Variants in ARHGAP35 observed in about 807,000 individuals in gnomAD.
ARHGAP35 encodes the protein rho GTPase-activating protein 35.
In ARHGAP35, 15 loss-of-function variants were observed where a neutral mutation model predicts 111.1. That is an observed-to-expected ratio of 0.13 (90% CI 0.09 to 0.21). ARHGAP35 has a LOEUF of 0.21. ARHGAP35 is among the 10% of genes least tolerant of loss of function. ARHGAP35 has a pLI of 1.00. For missense variants in ARHGAP35, 1,262 were observed against 1,873.0 expected, an observed-to-expected ratio of 0.67 and a Z score of 6.02; for synonymous variants, 643 against 710.3, an observed-to-expected ratio of 0.91 and a Z score of 1.51.
At chr19:46,879,423 C>G (rs1349955650) in intron 1 of ARHGAP35, among the ~76,000 whole-genome samples, 1 of 149,376 alleles carries the variant, frequency 6.7e-6, no homozygotes, top group Non-Finnish European at 1.5e-5. Flanking sequence ...CCCGTCTCTA[C>G]TAAAAATACA....
At chr19:46,869,009 G>A (rs777230411) in intron 1 of ARHGAP35, among the ~76,000 whole-genome samples, 2 of 143,988 alleles carry the variant, frequency 1.4e-5, no homozygotes, top group African/African-American at 2.6e-5. Context: ...AGGTTCAAGC[G>A]ATTCTCCTGC....
intron 1 of ARHGAP35, among the ~76,000 whole-genome samples, chr19:46,887,241 A>G (rs1437255166): frequency 2.0e-5 from 3 of 152,214 alleles, no homozygotes; most frequent in Non-Finnish European, 2.9e-5. Context: ...GATGAAAATG[A>G]TAAAACCGTG....
intron 1 of ARHGAP35, among the ~76,000 whole-genome samples, chr19:46,914,245 C>G (rs994281166): frequency 3.3e-5 from 5 of 152,134 alleles, no homozygotes; most frequent in African/African-American, 1.2e-4. Context: ...AAATTAACCA[C>G]TTCCATGCCA....
intron 1 of ARHGAP35, among the ~76,000 whole-genome samples, chr19:46,894,508 C>T (rs1428869237): frequency 3.4e-5 from 5 of 147,690 alleles, no homozygotes; most frequent in South Asian, 2.1e-4. Flanking sequence ...TGCAGTGGCA[C>T]GATCTCTGCT....
At chr19:46,886,929 G>T (rs761803166) in intron 1 of ARHGAP35, among the ~76,000 whole-genome samples, 33 of 152,092 alleles carry the variant, frequency 2.2e-4, no homozygotes, top group Admixed American at 5.2e-4. Flanking sequence ...AAGAGAGAGA[G>T]ATTAAAAAGG....
At chr19:46,870,793 A>G (rs2055883562) in intron 1 of ARHGAP35, among the ~76,000 whole-genome samples, 1 of 152,164 alleles carries the variant, frequency 6.6e-6, no homozygotes, top group South Asian at 2.1e-4. Flanking sequence ...TGTTATGTAT[A>G]TACAAGGTGT....
Position 46,920,343 on chromosome 19 carries a change from G to A in ARHGAP35, c.1668G>A (p.Lys556=), listed in dbSNP as rs1401010073. The A allele has an allele frequency of 7.4e-6, 12 of 1,613,818 alleles. No homozygotes were observed. The highest frequency in any genetic ancestry group is 1.0e-5 in the Non-Finnish European group (12 of 1,179,890). The change falls in exon 2 of 7, where the codon AAG becomes AAA. Residue 556 remains lysine (K), a synonymous_variant. Transcript: ENST00000672722. This position sits in a 1 kb window ranked among gnomAD's most constrained non-coding sequence, Gnocchi z 7.0. ...TTCATTTTGTGTACCACCCAACAAAGGAGACATGCCCCAGCTGCCCAGCTT... is the reference window on the plus strand; with the variant it reads ...TTCATTTTGTGTACCACCCAACAAAAGAGACATGCCCCAGCTGCCCAGCTT... ...KHIHFVYHPT[K]ETCPSCPACV... is the part of the protein sequence containing the mutation.
intron 1 of ARHGAP35, among the ~76,000 whole-genome samples, chr19:46,869,669 AAG>A (rs1347657225): frequency 2.6e-5 from 4 of 152,206 alleles, no homozygotes; most frequent in Non-Finnish European, 4.4e-5. Context: ...GGCAATTAAA[AAG>A]AGTTCTTTGT....
In ARHGAP35 at chr19:46,993,628, A is replaced by G. The variant is rs2056691188; in HGVS notation, c.4036+3953A>G. On this transcript the variant is annotated intron_variant, in intron 5 of 6. Transcript: ENST00000672722. The surrounding 1 kb of genome is among the most constrained non-coding windows in gnomAD (Gnocchi z 4.6). ...GAGTTCTTGGGGTCTCTATTGTACT[A>G]AATTGCTGGATCTGTGTCCAGGCTG... Among the ~76,000 whole-genome samples, 1 of 152,036 alleles carries G rather than the reference A, an allele frequency of 6.6e-6. No homozygotes were observed. Among genetic ancestry groups the G allele is most frequent in the Admixed American group, 6.5e-5 (1 of 15,272 alleles).
intron 1 of ARHGAP35, among the ~76,000 whole-genome samples, chr19:46,900,458 T>C (rs980097185): frequency 2.0e-5 from 3 of 152,212 alleles, no homozygotes; most frequent in African/African-American, 7.2e-5. Context: ...TGGCCTCAAG[T>C]GATCCGCCCA....
chr19:46,996,634 CT>C (rs2056710129), intron 5 of ARHGAP35, among the ~76,000 whole-genome samples: 1 of 152,150 alleles, frequency 6.6e-6, no homozygotes, highest in South Asian at 2.1e-4. Flanking sequence ...ACAAACACAG[CT>C]GTGTTTGGGT....
At position 46,976,766 on chromosome 19, in the gene ARHGAP35, G is replaced by A. The variant is rs1247720254; in HGVS notation, c.3827-11223G>A. ...CAAGGAGCAGTACCCACTCTCGGCT[G>A]CAGGACCTTCTCGGGCCCTTGGTGG... On this transcript the variant is annotated intron_variant, in intron 3 of 6. Coordinates refer to ENST00000672722, the MANE Select transcript of ARHGAP35 (RefSeq NM_004491.5). Among the ~76,000 whole-genome samples, 9 of 152,340 alleles carry A rather than the reference G, an allele frequency of 5.9e-5. 1 individual carries two copies. In the South Asian group the frequency reaches 1.7e-3, roughly 28 times the overall value.
intron 1 of ARHGAP35, among the ~76,000 whole-genome samples, chr19:46,863,584 T>C (rs1052293141): frequency 6.6e-6 from 1 of 152,102 alleles, no homozygotes; most frequent in African/African-American, 2.4e-5. Context: ...CTCTGAGCCA[T>C]TGCATAGAGT....
At position 47,002,135 on chromosome 19, in the gene ARHGAP35, T is replaced by G. The variant is rs1387493771; in HGVS notation, c.*1447T>G. ...CCTCTGCGGCCAGGAAGCCTGACAC[T>G]AGGCACCCCCCAGGCGAGAGCTAGT... is the stretch of plus-strand genomic sequence containing the variant. On this transcript the variant is annotated 3_prime_UTR_variant, in exon 7 of 7. Coordinates refer to ENST00000672722, the MANE Select transcript of ARHGAP35 (RefSeq NM_004491.5). The G allele has an allele frequency of 6.5e-6, 1 of 152,780 alleles. No homozygotes were observed. Among genetic ancestry groups the G allele is most frequent in the Non-Finnish European group, 1.5e-5 (1 of 68,152 alleles). The allele number at this position is 152,780 out of a possible 1,614,324, so 9.5% of individuals were successfully genotyped here.
chr19:46,913,256 G>A (rs1048203290), intron 1 of ARHGAP35, among the ~76,000 whole-genome samples: 2 of 150,334 alleles, frequency 1.3e-5, no homozygotes, highest in African/African-American at 2.5e-5. Context: ...TGAGGTTGCT[G>A]TGTTGGAAGA....
In ARHGAP35 at chr19:46,954,986, G is replaced by A. The variant is rs889950037; in HGVS notation, c.3826+17578G>A. ...GAGCACTTACTTCTCCGTAACCCAT[G>A]AAGCCAGTGAAGGACCCTGAATCTG... On this transcript the variant is annotated intron_variant, in intron 3 of 6. Transcript: ENST00000672722. 2.6e-5 allele frequency among the ~76,000 whole-genome samples: 4 copies of A among 152,220 alleles called. No homozygotes were observed. In the East Asian group the frequency reaches 5.8e-4, roughly 22 times the overall value.
At chr19:46,862,353 T>C (rs1239608126) in intron 1 of ARHGAP35, among the ~76,000 whole-genome samples, 1 of 152,180 alleles carries the variant, frequency 6.6e-6, no homozygotes, top group Non-Finnish European at 1.5e-5. Context: ...TCTGAGCTAC[T>C]GCATTCATTT....
Position 46,994,292 on chromosome 19 carries a change from G to A in ARHGAP35, c.4036+4617G>A, listed in dbSNP as rs910927852. On this transcript the variant is annotated intron_variant, in intron 5 of 6. Coordinates refer to ENST00000672722, the MANE Select transcript of ARHGAP35 (RefSeq NM_004491.5). The surrounding 1 kb of genome is among the most constrained non-coding windows in gnomAD (Gnocchi z 5.4). The stretch of plus-strand genomic sequence containing the variant: ...GGCGGGCTACCTATTGAAGCTGGGG[G>A]TCCCTGTACAGCAGGGCTCCACTGA... Among the ~76,000 whole-genome samples, 5 of 152,186 alleles carry A rather than the reference G, an allele frequency of 3.3e-5. No individual in the cohort carries two copies. Among genetic ancestry groups the A allele is most frequent in the African/African-American group, 1.2e-4 (5 of 41,446 alleles).
intron 3 of ARHGAP35, among the ~76,000 whole-genome samples, chr19:46,957,008 G>A (rs2056443103): frequency 7.1e-6 from 1 of 140,882 alleles, no homozygotes; most frequent in Admixed American, 7.4e-5. Context: ...CGCCCAGGGT[G>A]GAGCACAGTG....
Sources: allele counts gnomAD v4.1 joint callset (sites outside exome capture counted in the v4.1 genomes callset), GRCh38; gene constraint gnomAD v4.1.1; non-coding constraint Gnocchi (gnomAD v3.1); transcripts MANE v1.5; gene names NCBI Gene and HGNC (gene_info 2026-07-23, HGNC 2026-07-21).